Variants in WDR44 observed in about 807,000 individuals in gnomAD.
WDR44 encodes WD repeat domain 44, also known as WD repeat-containing protein 44.
In WDR44, 9 loss-of-function variants were observed where a neutral mutation model predicts 65.7. The ratio of observed to expected loss-of-function variants is 0.14; its 90% CI spans 0.08 to 0.24. The LOEUF is 0.24. Among genes scored for constraint, WDR44 ranks in the 10% least tolerant of loss-of-function variants. The pLI is 1.00. For missense variants in WDR44, 425 were observed against 670.9 expected (o/e 0.63, Z 4.05); for synonymous variants, 220 against 235.2 (o/e 0.94, Z 0.59).
At position 118,397,059 on chromosome X, in the gene WDR44, T is replaced by C; in HGVS notation, c.1143T>C (p.Ile381=). ...CAGAAGAGAAACTACCAACAGGCAT[T>C]AATCCTCTCACTCTACACATCATGA... The part of the protein sequence containing the change: ...SLAEEKLPTG[I]NPLTLHIMRR... The change falls in exon 7 of 20, where the codon ATT becomes ATC. Residue 381 remains isoleucine, a synonymous_variant. Coordinates refer to ENST00000254029, the MANE Select transcript of WDR44 (RefSeq NM_019045.5). 1 of 1,198,699 alleles carries C rather than the reference T, an allele frequency of 8.3e-7. No individual in the cohort carries two copies. The highest frequency in any genetic ancestry group is 3.0e-5 in the East Asian group (1 of 33,109).
In WDR44 at chrX:118,414,766, T is replaced by A. The variant is rs756574407; in HGVS notation, c.1737+3807T>A. Among the ~76,000 whole-genome samples the A allele has an allele frequency of 7.1e-5, 8 of 112,097 alleles. No homozygotes were observed. The South Asian group carries it at 2.9e-3, about 41-fold the overall frequency. ...CTGTGCTGAATTCTTTTATCAGTTC[T>A]GAGCTTTCTGGAGGAGTCTTTAGGG... On this transcript the variant is annotated intron_variant, in intron 12 of 19. Coordinates refer to ENST00000254029, the MANE Select transcript of WDR44 (RefSeq NM_019045.5).
intron 19 of WDR44, among the ~76,000 whole-genome samples, chrX:118,446,368 G>A (rs1000949990): frequency 3.6e-5 from 4 of 110,791 alleles, no homozygotes; most frequent in African/African-American, 6.6e-5. Flanking sequence ...TCTTGAGCCC[G>A]GGCAACATAG....
At chrX:118,408,693 C>T (rs2147719456) in intron 10 of WDR44, among the ~76,000 whole-genome samples, 1 of 112,465 alleles carries the variant, frequency 8.9e-6, no homozygotes, top group South Asian at 3.6e-4. Context: ...GCCACCACGC[C>T]CGGCCCATTC....
chrX:118,415,441 T>C (rs1388992609), intron 12 of WDR44, among the ~76,000 whole-genome samples: 1 of 111,911 alleles, frequency 8.9e-6, no homozygotes, highest in Non-Finnish European at 1.9e-5. Flanking sequence ...TGTGGAATAG[T>C]GTCAAAAGAA....
At chrX:118,438,797 G>GTTT (rs1213083479) in intron 14 of WDR44, among the ~76,000 whole-genome samples, 18 of 64,031 alleles carry the variant, frequency 2.8e-4, no homozygotes, top group Admixed American at 4.8e-4. Context: ...GTTCAGCCAT[G>GTTT]TTTTTTTTTT....
At chrX:118,353,472 T>C (rs1023574624) in intron 1 of WDR44, among the ~76,000 whole-genome samples, 1 of 112,397 alleles carries the variant, frequency 8.9e-6, no homozygotes, top group African/African-American at 3.2e-5. Context: ...TAGAGTTCTA[T>C]TACCAGCTGC....
Position 118,350,959 on chromosome X carries a change from C to A in WDR44, c.77+4379C>A, listed in dbSNP as rs998957036. 4.5e-5 allele frequency among the ~76,000 whole-genome samples: 5 copies of A among 111,553 alleles called. No individual in the cohort carries two copies. The South Asian group carries it at 1.9e-3, about 42-fold the overall frequency. ...GAACTAGAGCCCAGGTCTCTTGATT[C>A]CTCACTTATACCATGCTACCATGTC... On this transcript the variant is annotated intron_variant, in intron 1 of 19. Coordinates refer to ENST00000254029, the MANE Select transcript of WDR44 (RefSeq NM_019045.5).
intron 17 of WDR44, among the ~76,000 whole-genome samples, chrX:118,443,298 C>T (rs1021398793): frequency 5.4e-5 from 6 of 111,551 alleles, no homozygotes; most frequent in African/African-American, 2.0e-4. Flanking sequence ...TCCTGTCTTT[C>T]ACACCTTAAA....
In WDR44 at chrX:118,346,453, A is replaced by AC. The variant is rs749420742; in HGVS notation, c.-48dup. 6 of 1,105,942 alleles carry AC rather than the reference A, an allele frequency of 5.4e-6. No individual in the cohort carries two copies. In the Admixed American group the frequency reaches 1.3e-4, roughly 24 times the overall value. The allele number at this position is 1,105,942 out of a possible 1,213,427, so 91.1% of individuals were successfully genotyped here. On this transcript the variant is annotated 5_prime_UTR_variant, in exon 1 of 20. Coordinates refer to ENST00000254029, the MANE Select transcript of WDR44 (RefSeq NM_019045.5). ...GGTCGACGAGGAGGAGACAAGAGTC[A>AC]CCCTTCCTCCAGGCGGCGCCGGCCC...
intron 12 of WDR44, among the ~76,000 whole-genome samples, chrX:118,423,591 G>A (rs1439814391): frequency 2.7e-5 from 3 of 112,059 alleles, no homozygotes; most frequent in Non-Finnish European, 5.6e-5. Context: ...CATCACCACC[G>A]TCTGTGCCAT....
intron 10 of WDR44, among the ~76,000 whole-genome samples, chrX:118,408,908 G>A (rs1035031704): frequency 1.8e-5 from 2 of 111,585 alleles, no homozygotes; most frequent in Non-Finnish European, 3.8e-5. Flanking sequence ...TCCCATTTCT[G>A]TTAATATGTG....
chrX:118,361,963 G>A (rs1409161941), intron 1 of WDR44, among the ~76,000 whole-genome samples: 1 of 112,247 alleles, frequency 8.9e-6, no homozygotes, highest in African/African-American at 3.2e-5. Flanking sequence ...AGTCAGCCAC[G>A]TCAGTAGCTG....
rs757651082 is a variant in WDR44 at position 118,393,111 on chromosome X, T to C, written c.666T>C (p.Pro222=). Residue 222 remains proline, a synonymous_variant, in exon 4 of 20, where the codon CCT becomes CCC. Coordinates refer to ENST00000254029, the MANE Select transcript of WDR44 (RefSeq NM_019045.5). ...CCCCAAGACACCTTACTCCAGAGCC[T>C]GATATAGTGGCTAGTACAAAGAAGC... ...AKPPRHLTPE[P]DIVASTKKPV... is the part of the protein sequence containing the mutation. 8.3e-7 allele frequency: 1 copy of C among 1,212,029 alleles called. No homozygotes were observed. The highest frequency in any genetic ancestry group is 1.8e-5 in the South Asian group (1 of 57,008).
chrX:118,379,008 C>T (rs974657876), intron 2 of WDR44, among the ~76,000 whole-genome samples: 1 of 108,446 alleles, frequency 9.2e-6, no homozygotes, highest in African/African-American at 3.4e-5. Context: ...CGTGCCACTG[C>T]ACTCCAGCCT....
intron 18 of WDR44, 136 bp downstream of exon 18, chrX:118,443,823 T>C: frequency 1.8e-6 from 1 of 544,991 alleles, no homozygotes. Flanking sequence ...TACGGGTGTA[T>C]CACGAGGTCA....
At chrX:118,403,266 ATG>A (rs1388199117) in intron 8 of WDR44, among the ~76,000 whole-genome samples, 6 of 112,009 alleles carry the variant, frequency 5.4e-5, no homozygotes, top group Admixed American at 3.8e-4. Context: ...AACGGGGACT[ATG>A]TAACAAAAAC....
rs747728994 is a variant in WDR44 at position 118,449,847 on chromosome X, A to G, written c.*860A>G. ...GCCTTTGTAAATATCAATATAATGT[A>G]CCAATGAAATAACATCTGGGGCAAT... On this transcript the variant is annotated 3_prime_UTR_variant, in exon 20 of 20. Coordinates refer to ENST00000254029, the MANE Select transcript of WDR44 (RefSeq NM_019045.5). 1 of 112,242 alleles carries G rather than the reference A, an allele frequency of 8.9e-6. No individual in the cohort carries two copies. Among genetic ancestry groups the G allele is most frequent in the South Asian group, 3.7e-4 (1 of 2,707 alleles). The allele number at this position is 112,242 out of a possible 1,213,427, so 9.3% of individuals were successfully genotyped here. A position where few individuals can be genotyped will look rare whatever the true frequency, so the allele number is the denominator to read the frequency against.
At chrX:118,387,713 T>C (rs1036017168) in intron 3 of WDR44, among the ~76,000 whole-genome samples, 4 of 111,692 alleles carry the variant, frequency 3.6e-5, no homozygotes, top group South Asian at 3.7e-4. Flanking sequence ...CCAGGAGTTA[T>C]GGGTATTGAA....
At chrX:118,402,502 C>T (rs2056928084) in intron 8 of WDR44, among the ~76,000 whole-genome samples, 1 of 104,799 alleles carries the variant, frequency 9.5e-6, no homozygotes, top group Admixed American at 1.0e-4. Flanking sequence ...AATCCGAGCA[C>T]TTTGGGAGGC....
Sources: gnomAD v4.1 joint callset for allele counts (sites outside exome capture counted in the v4.1 genomes callset) on GRCh38, gnomAD v4.1.1 for gene constraint, MANE v1.5 for transcripts, NCBI Gene and HGNC (gene_info 2026-07-23, HGNC 2026-07-21) for gene names.